LRRD1: variants seen among roughly 807,000 people sequenced by gnomAD.
The protein encoded by LRRD1 is leucine-rich repeat and death domain-containing protein 1.
LRRD1 carries 49 observed loss-of-function variants against 69.5 expected under a neutral mutation model. That is an observed-to-expected ratio of 0.70 (90% CI 0.56 to 0.89). LRRD1 has a LOEUF of 0.89. Ranked by LOEUF, LRRD1 falls within the 40% of genes least tolerant of loss-of-function variation. The pLI, the probability that LRRD1 is intolerant of heterozygous loss-of-function variation, is 0.00. For synonymous variants in LRRD1, 303 were observed against 338.9 expected (o/e 0.89, Z 1.16); for missense variants, 853 against 956.0 (o/e 0.89, Z 1.42).
intron 3 of LRRD1, among the ~76,000 whole-genome samples, chr7:92,158,706 G>T (rs892409412): frequency 6.6e-6 from 1 of 152,158 alleles, no homozygotes; most frequent in Admixed American, 6.5e-5. Context: ...GTGTAGGTGT[G>T]TGTAGAGGAA....
chr7:92,165,498 A>G (rs1788887352), intron 1 of LRRD1, among the ~76,000 whole-genome samples: 1 of 152,168 alleles, frequency 6.6e-6, no homozygotes, highest in Non-Finnish European at 1.5e-5. Context: ...ACAGAAAGAA[A>G]CAAAAAAGTT....
chr7:92,149,759 C>A, intron 4 of LRRD1: 2 of 256,818 alleles, frequency 7.8e-6, no homozygotes. Context: ...CACTATGTTG[C>A]CCAGGCTGGT....
intron 1 of LRRD1, among the ~76,000 whole-genome samples, chr7:92,177,815 A>T (rs1417761640): frequency 2.0e-5 from 3 of 152,204 alleles, no homozygotes; most frequent in Non-Finnish European, 2.9e-5. Flanking sequence ...CATCTGCCTG[A>T]CTATATTTGA....
intron 3 of LRRD1, among the ~76,000 whole-genome samples, chr7:92,151,055 C>T (rs190894086): frequency 6.6e-4 from 101 of 152,334 alleles, no homozygotes; most frequent in African/African-American, 2.3e-3. Context: ...CATTCCTCAT[C>T]TAGCTTTAGT....
downstream of LRRD1, chr7:92,142,686 G>A: frequency 2.5e-6 from 1 of 403,800 alleles, no homozygotes; most frequent in South Asian, 1.8e-5. Context: ...CTTCCTTCTG[G>A]TGGGATCGTG....
chr7:92,152,140 A>AGTGTGTGTGTGTGTGT (rs71528038), intron 3 of LRRD1, among the ~76,000 whole-genome samples: 2,401 of 142,822 alleles, frequency 0.017, 54 homozygotes, highest in East Asian at 0.059. Context: ...TGCTTCTGGG[A>AGTGTGTGTGTGTGTGT]GTGTGTGTGT....
rs563877721 is a variant in LRRD1, at chr7:92,167,169, C to T, written c.-74-1893G>A. ...AGAGTGCAGTGGTGCTATCTTGGCT[C>T]ACTGCAACCTCCGACTCCCTGGTTC... is the stretch of plus-strand genomic sequence containing the variant. On this transcript the variant is annotated intron_variant, in intron 1 of 5. Coordinates refer to ENST00000458448, the MANE Select transcript of LRRD1 (RefSeq NM_001161528.2). Among the ~76,000 whole-genome samples the T allele has an allele frequency of 2.5e-4, 38 of 150,412 alleles. No homozygotes were observed. In the East Asian group the frequency reaches 6.5e-3, roughly 26 times the overall value.
Position 92,144,853 on chromosome 7 carries a change from T to A in LRRD1, c.*35A>T. On this transcript the variant is annotated 3_prime_UTR_variant, in exon 6 of 6. Transcript: ENST00000458448. ...AAACACAGTTTCAATTATAAGTGCA[T>A]CAAAAGTTTTCAGTTTTTATTATTG... 7.6e-7 allele frequency: 1 copy of A among 1,317,526 alleles called. No homozygotes were observed. Among genetic ancestry groups the A allele is most frequent in the Non-Finnish European group, 1.0e-6 (1 of 978,636 alleles). 81.6% of individuals were successfully genotyped at this position (1,317,526 alleles called of 1,614,324 possible).
rs1437136616 is a variant in LRRD1, at chr7:92,150,556, TA to T, written c.2255del (p.Leu752HisfsTer12). ...TACCATCTCTTTCATCTGCCCTCTG[TA>T]GATAGCGTGCAATAGTATACAACTG... The part of the protein sequence containing the change: ...GKQLYTIARY[L>X]QRADERDEKI... On this transcript the variant is annotated frameshift_variant, in exon 4 of 6. Coordinates refer to ENST00000458448, the MANE Select transcript of LRRD1 (RefSeq NM_001161528.2). LOFTEE classifies it high-confidence loss of function. 6.5e-7 allele frequency: 1 copy of T among 1,549,986 alleles called. No individual in the cohort carries two copies. Among genetic ancestry groups the T allele is most frequent in the Non-Finnish European group, 8.7e-7 (1 of 1,146,178 alleles).
chr7:92,160,804 C>T (rs1350505807), intron 2 of LRRD1, among the ~76,000 whole-genome samples: 1 of 152,086 alleles, frequency 6.6e-6, no homozygotes, highest in Non-Finnish European at 1.5e-5. Flanking sequence ...CAGAGTGAGA[C>T]TCTGTCTCAA....
intron 1 of LRRD1, among the ~76,000 whole-genome samples, chr7:92,174,600 C>T (rs1297892068): frequency 1.5e-5 from 2 of 136,706 alleles, no homozygotes; most frequent in South Asian, 2.5e-4. Context: ...CTCTGCCTCC[C>T]GGGTTCAAAG....
At chr7:92,173,251 A>G (rs1400061446) in intron 1 of LRRD1, among the ~76,000 whole-genome samples, 1 of 152,240 alleles carries the variant, frequency 6.6e-6, no homozygotes, top group Non-Finnish European at 1.5e-5. Flanking sequence ...ACTAGAAGAA[A>G]ACATTGGGGA....
In LRRD1 at chr7:92,165,239, G is replaced by A. The variant is rs1788883144; in HGVS notation, c.-37C>T. The A allele has an allele frequency of 8.3e-7, 1 of 1,197,758 alleles. No homozygotes were observed. The highest frequency in any genetic ancestry group is 1.1e-6 in the Non-Finnish European group (1 of 913,614). The allele number at this position is 1,197,758 out of a possible 1,614,324, so 74.2% of individuals were successfully genotyped here. ...ATATGTTTTATGCCAATACAAAATT[G>A]TAACTTGATTTTAATTTTCATGTTT... On this transcript the variant is annotated 5_prime_UTR_variant, in exon 2 of 6. It introduces an in-frame stop codon into an upstream open reading frame of the 5' UTR. Coordinates refer to ENST00000458448, the MANE Select transcript of LRRD1 (RefSeq NM_001161528.2).
rs1788840835 is a variant in LRRD1 at position 92,163,788 on chromosome 7, C to T, written c.1415G>A (p.Ser472Asn). The change falls in exon 2 of 6, where the codon AGT (serine) becomes AAT (asparagine). Residue 472 changes from serine (S) to asparagine (N), a missense_variant. This residue lies in a region of LRRD1 where 739 missense variants were observed against 808.0 expected (regional missense o/e 0.91). Coordinates refer to ENST00000458448, the MANE Select transcript of LRRD1 (RefSeq NM_001161528.2). ...NCQKIIKIELSYNKIMYFPLG... is the reference protein window; with the variant it reads ...NCQKIIKIELNYNKIMYFPLG... ...TGGAAAATACATTATTTTGTTATAA[C>T]TCAATTCAATTTTAATTATTTTTTG... is the stretch of plus-strand genomic sequence containing the variant. 4.7e-6 allele frequency: 7 copies of T among 1,504,466 alleles called. No individual in the cohort carries two copies. The South Asian group carries it at 9.2e-5, about 20-fold the overall frequency. The allele number at this position is 1,504,466 out of a possible 1,614,324, so 93.2% of individuals were successfully genotyped here. A position where few individuals can be genotyped will look rare whatever the true frequency, so the allele number is the denominator to read the frequency against.
At chr7:92,174,501 A>ATATATATATATATG (rs1789135529) in intron 1 of LRRD1, among the ~76,000 whole-genome samples, 2 of 20,036 alleles carry the variant, frequency 1.0e-4, no homozygotes, top group Admixed American at 5.0e-4. Context: ...ATATATATAT[A>ATATATATATATATG]TATATATATT....
In LRRD1 at chr7:92,159,019, T is replaced by C. The variant is rs1197148913; in HGVS notation, c.2102A>G (p.Gln701Arg). The change falls in exon 3 of 6, where the codon CAA (glutamine) becomes CGA (arginine). Residue 701 changes from glutamine (Q) to arginine (R), a missense_variant. By Grantham distance (43) the Gln-to-Arg change is conservative. Coordinates refer to ENST00000458448, the MANE Select transcript of LRRD1 (RefSeq NM_001161528.2). ...TTGACACTCACCACTCAGGTTTAGTTGCTGCAGATCATTTAAAGATAGCAA... is the reference window on the plus strand; with the variant it reads ...TTGACACTCACCACTCAGGTTTAGTCGCTGCAGATCATTTAAAGATAGCAA... ...PSLLSLNDLQ[Q>R]LNLSGNNLTA... 6.5e-7 allele frequency: 1 copy of C among 1,545,068 alleles called. No individual in the cohort carries two copies. Among genetic ancestry groups the C allele is most frequent in the Non-Finnish European group, 8.7e-7 (1 of 1,145,116 alleles).
chr7:92,152,140 AGTGTGTGTGTGTGTGT>A (rs71528038), intron 3 of LRRD1, among the ~76,000 whole-genome samples: 1 of 142,832 alleles, frequency 7.0e-6, no homozygotes, highest in Admixed American at 7.1e-5. Context: ...TGCTTCTGGG[AGTGTGTGTGTGTGTGT>A]GTGTGTGTGT....
intron 1 of LRRD1, among the ~76,000 whole-genome samples, chr7:92,167,284 C>A (rs369022682): frequency 1.3e-5 from 2 of 150,872 alleles, no homozygotes; most frequent in African/African-American, 4.9e-5. Flanking sequence ...TTAGTAGAGA[C>A]GAGGTTTCAC....
chr7:92,175,233 A>G (rs953233074), intron 1 of LRRD1, among the ~76,000 whole-genome samples: 1 of 152,150 alleles, frequency 6.6e-6, no homozygotes, highest in African/African-American at 2.4e-5. Flanking sequence ...GTTTTTTGCC[A>G]TATTTCAATT....
Sources: allele counts gnomAD v4.1 joint callset (sites outside exome capture counted in the v4.1 genomes callset), GRCh38; gene constraint gnomAD v4.1.1; regional missense constraint gnomAD v4.1.1; transcripts MANE v1.5; gene names NCBI Gene and HGNC (gene_info 2026-07-23, HGNC 2026-07-21).